CNBD1: variants seen among roughly 807,000 people sequenced by gnomAD.
CNBD1 encodes the protein cyclic nucleotide binding domain containing 1.
In CNBD1, 71 loss-of-function variants were observed where a neutral mutation model predicts 54.4. The ratio of observed to expected loss-of-function variants is 1.30; its 90% CI spans 1.08 to 1.59. The LOEUF (loss-of-function observed/expected upper bound fraction) is 1.59. CNBD1 is among the 40% of genes most tolerant of loss of function. The pLI, the probability that CNBD1 is intolerant of heterozygous loss-of-function variation, is 0.00. For synonymous variants in CNBD1, 182 were observed against 170.7 expected (o/e 1.07, Z -0.51); for missense variants, 659 against 518.0 (o/e 1.27, Z -2.64).
chr8:87,410,001 T>C (rs1807714825), intron 2 of CNBD1, among the ~76,000 whole-genome samples: 1 of 151,688 alleles, frequency 6.6e-6, no homozygotes, highest in East Asian at 1.9e-4. Flanking sequence ...CCAGCCTGGG[T>C]GACAGAGCGA....
At chr8:87,184,028 G>A (rs555021298) in intron 4 of CNBD1, among the ~76,000 whole-genome samples, 4 of 152,332 alleles carry the variant, frequency 2.6e-5, no homozygotes, top group Admixed American at 6.5e-5. Flanking sequence ...GAGGTAATGG[G>A]TCTGTGCTCA....
At chr8:87,041,547 C>T (rs2130610169) in intron 4 of CNBD1, among the ~76,000 whole-genome samples, 1 of 152,240 alleles carries the variant, frequency 6.6e-6, no homozygotes, top group South Asian at 2.1e-4. Flanking sequence ...ACCTGTAATC[C>T]CAGCACTTTG....
At chr8:87,037,272 A>AT (rs946445178) in intron 4 of CNBD1, among the ~76,000 whole-genome samples, 103 of 151,862 alleles carry the variant, frequency 6.8e-4, no homozygotes, top group Non-Finnish European at 9.4e-4. Context: ...AGCTTTTAGG[A>AT]TTTTTTTTCT....
chr8:87,297,768 T>G (rs1452103136), intron 8 of CNBD1, among the ~76,000 whole-genome samples: 1 of 151,966 alleles, frequency 6.6e-6, no homozygotes, highest in Non-Finnish European at 1.5e-5. Context: ...TATTTTAATT[T>G]TCATTTTAAA....
chr8:87,253,407 G>A (rs1807947982), intron 6 of CNBD1, among the ~76,000 whole-genome samples: 1 of 152,130 alleles, frequency 6.6e-6, no homozygotes, highest in Non-Finnish European at 1.5e-5. Flanking sequence ...TGCAGCTCCT[G>A]TCAGATGGCC....
chr8:87,009,777 A>G (rs374432131), intron 4 of CNBD1, among the ~76,000 whole-genome samples: 1 of 152,186 alleles, frequency 6.6e-6, no homozygotes, highest in Non-Finnish European at 1.5e-5. Flanking sequence ...TCTTCTGGTG[A>G]CAAATTCTCT....
At chr8:87,369,448 C>A (rs1220799354) in intron 10 of CNBD1, among the ~76,000 whole-genome samples, 1 of 152,022 alleles carries the variant, frequency 6.6e-6, no homozygotes, top group Non-Finnish European at 1.5e-5. Flanking sequence ...ACATTCTATC[C>A]TTCCTTTTCT....
intron 4 of CNBD1, among the ~76,000 whole-genome samples, chr8:87,201,373 C>G (rs1279421380): frequency 6.6e-6 from 1 of 152,092 alleles, no homozygotes; most frequent in Non-Finnish European, 1.5e-5. Flanking sequence ...AGTGAATGTT[C>G]TAGTTAAGAC....
intron 4 of CNBD1, among the ~76,000 whole-genome samples, chr8:87,108,507 T>C (rs1367409048): frequency 6.6e-6 from 1 of 152,182 alleles, no homozygotes; most frequent in Admixed American, 6.5e-5. Context: ...ATGATATTTA[T>C]GCATTGTTTA....
chr8:87,401,671 TA>T (rs1468379905), intron 2 of CNBD1, among the ~76,000 whole-genome samples: 1 of 152,102 alleles, frequency 6.6e-6, no homozygotes, highest in Non-Finnish European at 1.5e-5. Flanking sequence ...AATATCTACC[TA>T]ACCTTTAAGC....
chr8:87,382,839 T>A lies in CNBD1; in HGVS notation c.*212T>A. ...CTTGGTTTGGATACTAAAATAAATA[T>A]AGTTATCATTGCTTGATTTACCTCT... On this transcript the variant is annotated 3_prime_UTR_variant, in exon 11 of 11. Coordinates refer to ENST00000518476, the MANE Select transcript of CNBD1 (RefSeq NM_173538.3). The A allele has an allele frequency of 2.3e-6, 1 of 429,932 alleles. No individual in the cohort carries two copies. The highest frequency in any genetic ancestry group is 2.0e-5 in the African/African-American group (1 of 50,498). 26.6% of individuals were successfully genotyped at this position (429,932 alleles called of 1,614,324 possible). A position where few individuals can be genotyped will look rare whatever the true frequency, so the allele number is the denominator to read the frequency against.
At chr8:86,878,671 A>C (rs13248329) in intron 1 of CNBD1, among the ~76,000 whole-genome samples, 11,760 of 151,998 alleles carry the variant, frequency 0.077, 479 homozygotes, top group African/African-American at 0.099. Flanking sequence ...TAGTCTGTCC[A>C]TGTCTGAACA....
chr8:86,889,545 G>C (rs1245323993), intron 2 of CNBD1, among the ~76,000 whole-genome samples: 1 of 151,998 alleles, frequency 6.6e-6, no homozygotes, highest in African/African-American at 2.4e-5. Flanking sequence ...TTAAATTTTT[G>C]TACATAGAAC....
At chr8:87,415,528 A>T (rs1452021876) in intron 2 of CNBD1, among the ~76,000 whole-genome samples, 1 of 152,078 alleles carries the variant, frequency 6.6e-6, no homozygotes, top group South Asian at 2.1e-4. Context: ...CCTCATCATG[A>T]CACTACAGTA....
chr8:87,229,119 G>T (rs1814599412), intron 5 of CNBD1, among the ~76,000 whole-genome samples: 1 of 152,128 alleles, frequency 6.6e-6, no homozygotes, highest in African/African-American at 2.4e-5. Flanking sequence ...CGCACATGGT[G>T]CGCGCACCCA....
At position 87,351,874 on chromosome 8, in the gene CNBD1, T is replaced by G. The variant is rs1023271278; in HGVS notation, c.1152+80T>G. The G allele has an allele frequency of 6.4e-6, 8 of 1,244,080 alleles. No individual in the cohort carries two copies. The East Asian group carries it at 1.6e-4, about 25-fold the overall frequency. The allele number at this position is 1,244,080 out of a possible 1,614,324, so 77.1% of individuals were successfully genotyped here. On this transcript the variant is annotated intron_variant, in intron 9 of 10. Coordinates refer to ENST00000518476, the MANE Select transcript of CNBD1 (RefSeq NM_173538.3). ...GTCAGATACCTTTTCATGTACTTACTAGACATTTATTTGTATTACTTTGTG... is the reference window on the plus strand; with the variant it reads ...GTCAGATACCTTTTCATGTACTTACGAGACATTTATTTGTATTACTTTGTG...
At chr8:87,391,722 C>T (rs2130970003) in intron 2 of CNBD1, among the ~76,000 whole-genome samples, 1 of 152,104 alleles carries the variant, frequency 6.6e-6, no homozygotes, top group East Asian at 1.9e-4. Flanking sequence ...ATTGTAAGAA[C>T]TAAAACTGTA....
intron 5 of CNBD1, among the ~76,000 whole-genome samples, chr8:87,213,696 A>T (rs1814149786): frequency 6.6e-6 from 1 of 151,690 alleles, no homozygotes; most frequent in African/African-American, 2.4e-5. Context: ...ATACCATTTC[A>T]CTCCTGGCCC....
chr8:87,210,937 G>A (rs1000326547), intron 5 of CNBD1, among the ~76,000 whole-genome samples: 4 of 152,130 alleles, frequency 2.6e-5, no homozygotes, highest in Admixed American at 2.6e-4. Context: ...TAGATCTACT[G>A]GCAGCTTGCA....
Sources: gnomAD v4.1 joint callset for allele counts (sites outside exome capture counted in the v4.1 genomes callset) on GRCh38, gnomAD v4.1.1 for gene constraint, MANE v1.5 for transcripts, NCBI Gene and HGNC (gene_info 2026-07-23, HGNC 2026-07-21) for gene names.